NACC2: variants seen among roughly 807,000 people sequenced by gnomAD.
NACC2 encodes nucleus accumbens-associated protein 2.
NACC2 carries 8 observed loss-of-function variants against 25.1 expected under a neutral mutation model. The ratio of observed to expected loss-of-function variants is 0.32; its 90% CI spans 0.19 to 0.57. The LOEUF is 0.57. NACC2 is among the 20% of genes least tolerant of loss of function. NACC2 has a pLI of 0.89. For missense variants in NACC2, 644 were observed against 650.2 expected (o/e 0.99, Z 0.10); for synonymous variants, 435 against 294.7 (o/e 1.48, Z -4.88).
At chr9:136,073,925 G>T (rs1460418078) in intron 1 of NACC2, among the ~76,000 whole-genome samples, 1 of 152,158 alleles carries the variant, frequency 6.6e-6, no homozygotes, top group Non-Finnish European at 1.5e-5. Context: ...CCTTCCCTCT[G>T]CCCTGAAAGC....
rs934506868 is a variant in NACC2 at position 136,034,754 on chromosome 9, G to A, written c.886+14882C>T. ...GGGGATATAGGGGAAGCTCTTTCCTGTAAGACTGCTAACTAGTAAATATGG... is the reference window on the plus strand; with the variant it reads ...GGGGATATAGGGGAAGCTCTTTCCTATAAGACTGCTAACTAGTAAATATGG... On this transcript the variant is annotated intron_variant, in intron 2 of 5. Coordinates refer to ENST00000277554, the MANE Select transcript of NACC2 (RefSeq NM_144653.5). 1.9e-3 allele frequency among the ~76,000 whole-genome samples: 283 copies of A among 152,272 alleles called. 9 individuals carry two copies. The South Asian group carries it at 0.053, about 28-fold the overall frequency.
intron 1 of NACC2, among the ~76,000 whole-genome samples, chr9:136,068,843 G>C (rs991846691): frequency 6.6e-6 from 1 of 151,162 alleles, no homozygotes; most frequent in African/African-American, 2.4e-5. Flanking sequence ...AGGAGACAAG[G>C]CCTCAGTACA....
Position 136,092,248 on chromosome 9 carries a change from C to A in NACC2, c.-60+2941G>T, listed in dbSNP as rs531490064. On this transcript the variant is annotated intron_variant, in intron 1 of 5. Transcript: ENST00000277554. The stretch of plus-strand genomic sequence containing the variant: ...GGGAGAGGGCACTTCGGGGAAGGCC[C>A]AGGACCCAGGGAGCTGGGTCTGCAG... Among the ~76,000 whole-genome samples the A allele has an allele frequency of 2.5e-3, 380 of 152,230 alleles. 3 individuals are homozygous for A. Among genetic ancestry groups the A allele is most frequent in the Non-Finnish European group, 4.2e-3 (289 of 68,022 alleles).
intron 2 of NACC2, among the ~76,000 whole-genome samples, chr9:136,023,709 G>C (rs1390747974): frequency 1.3e-5 from 2 of 152,144 alleles, no homozygotes; most frequent in Non-Finnish European, 2.9e-5. Context: ...GGACATCCTC[G>C]AGGCAGCAGG....
chr9:136,087,402 C>T lies in NACC2; in HGVS notation c.-60+7787G>A, dbSNP rs111471024. On this transcript the variant is annotated intron_variant, in intron 1 of 5. Coordinates refer to ENST00000277554, the MANE Select transcript of NACC2 (RefSeq NM_144653.5). ...TTCCCTCCTCCTGGCCTGTCACCTG[C>T]ACAGCTGCAAATAGACACCCTGCCC... Among the ~76,000 whole-genome samples the T allele has an allele frequency of 8.1e-3, 1,236 of 152,306 alleles. 14 individuals carry two copies. The highest frequency in any genetic ancestry group is 0.014 in the Non-Finnish European group (923 of 68,024).
intron 2 of NACC2, among the ~76,000 whole-genome samples, chr9:136,047,063 G>A (rs1056974291): frequency 6.6e-6 from 1 of 152,160 alleles, no homozygotes; most frequent in East Asian, 1.9e-4. Flanking sequence ...TGAGGCCAGG[G>A]AGGAGGAGGA....
chr9:136,090,695 T>A (rs1044594337), intron 1 of NACC2, among the ~76,000 whole-genome samples: 1 of 152,202 alleles, frequency 6.6e-6, no homozygotes, highest in Non-Finnish European at 1.5e-5. Context: ...GGGGGACTTT[T>A]ATTTTCAATC....
At chr9:136,072,384 G>A (rs1830202252) in intron 1 of NACC2, among the ~76,000 whole-genome samples, 1 of 152,078 alleles carries the variant, frequency 6.6e-6, no homozygotes, top group African/African-American at 2.4e-5. Flanking sequence ...TGTCGCTAAT[G>A]AAAATACAAA....
chr9:136,069,512 G>A (rs1841125540), intron 1 of NACC2, among the ~76,000 whole-genome samples: 1 of 151,524 alleles, frequency 6.6e-6, no homozygotes, highest in African/African-American at 2.4e-5. Context: ...CTATGCCACT[G>A]CATTCCAGCC....
At chr9:136,063,914 CACTT>C (rs1406175224) in intron 1 of NACC2, among the ~76,000 whole-genome samples, 1 of 150,766 alleles carries the variant, frequency 6.6e-6, no homozygotes, top group Non-Finnish European at 1.5e-5. Context: ...AAACAAAAAT[CACTT>C]AAACAGCTGT....
intron 2 of NACC2, among the ~76,000 whole-genome samples, chr9:136,026,589 A>C (rs1174199885): frequency 1.3e-5 from 2 of 152,142 alleles, no homozygotes; most frequent in African/African-American, 4.8e-5. Flanking sequence ...GTAACGCAGG[A>C]GACAGTGAAA....
At chr9:136,023,341 C>A (rs999828707) in intron 2 of NACC2, among the ~76,000 whole-genome samples, 2 of 151,964 alleles carry the variant, frequency 1.3e-5, no homozygotes, top group Non-Finnish European at 2.9e-5. Context: ...CCCGCCAGGG[C>A]ACCTGGGCCT....
In NACC2 at chr9:136,086,074, C is replaced by T. The variant is rs1361683158; in HGVS notation, c.-60+9115G>A. ...CGGGCGCCACGCAGGGCAGCTCCGA[C>T]GGGCAGGAGCCGCCTCCAGGCCCTT... On this transcript the variant is annotated intron_variant, in intron 1 of 5. Transcript: ENST00000277554. The surrounding 1 kb of genome is among the most constrained non-coding windows in gnomAD (Gnocchi z 5.6). Among the ~76,000 whole-genome samples the T allele has an allele frequency of 1.3e-5, 2 of 152,198 alleles. No individual in the cohort carries two copies. Among genetic ancestry groups the T allele is most frequent in the South Asian group, 2.1e-4 (1 of 4,834 alleles).
At chr9:136,063,357 T>C (rs1345293682) in intron 1 of NACC2, among the ~76,000 whole-genome samples, 2 of 152,202 alleles carry the variant, frequency 1.3e-5, no homozygotes, top group East Asian at 3.9e-4. Context: ...TCGAGTCCTG[T>C]GCCTATTGGT....
rs1840307238 is a variant in NACC2 at position 136,022,532 on chromosome 9, G to A, written c.887-6103C>T. The stretch of plus-strand genomic sequence containing the variant: ...CTCGGGGAGACCTGCCTTCCCTGCT[G>A]TTGCCCCTTCCACCCAGCTTTGGGG... On this transcript the variant is annotated intron_variant, in intron 2 of 5. Transcript: ENST00000277554. This position sits in a 1 kb window ranked among gnomAD's most constrained non-coding sequence, Gnocchi z 4.4. Among the ~76,000 whole-genome samples the A allele has an allele frequency of 6.6e-6, 1 of 152,214 alleles. No homozygotes were observed. The highest frequency in any genetic ancestry group is 6.5e-5 in the Admixed American group (1 of 15,284).
intron 1 of NACC2, among the ~76,000 whole-genome samples, chr9:136,074,621 A>T (rs1830237230): frequency 1.3e-5 from 2 of 151,686 alleles, no homozygotes; most frequent in Admixed American, 1.3e-4. Flanking sequence ...TGTCACAGCA[A>T]GGCTGCCTGC....
At chr9:136,075,609 C>G (rs1024302819) in intron 1 of NACC2, among the ~76,000 whole-genome samples, 3 of 152,232 alleles carry the variant, frequency 2.0e-5, no homozygotes, top group African/African-American at 7.2e-5. Context: ...GGTTCGGGGT[C>G]GCAGGTCCTG....
rs1165327538 is a variant in NACC2, at chr9:136,042,003, C to CTT, written c.886+7631_886+7632dup. ...CTACGATAATCCTTCAAAACAATTT[C>CTT]TTTTTTTTTGAGACAGAGTCTCACT... On this transcript the variant is annotated intron_variant, in intron 2 of 5. Transcript: ENST00000277554. Among the ~76,000 whole-genome samples, 1,154 of 151,472 alleles carry CTT rather than the reference C, an allele frequency of 7.6e-3. 13 individuals are homozygous for CTT. Among genetic ancestry groups the CTT allele is most frequent in the African/African-American group, 0.027 (1,101 of 41,330 alleles).
rs1231349559 is a variant in NACC2 at position 136,008,829 on chromosome 9, C to T, written c.*2687G>A. ...ACGCCCACCGTGGGACACATTAGTG[C>T]AAAATGCTCGGCCTGGCCCGCCCGG... On this transcript the variant is annotated 3_prime_UTR_variant, in exon 6 of 6. Coordinates refer to ENST00000277554, the MANE Select transcript of NACC2 (RefSeq NM_144653.5). 1.3e-5 allele frequency: 2 copies of T among 152,334 alleles called. No homozygotes were observed. Among genetic ancestry groups the T allele is most frequent in the African/African-American group, 4.8e-5 (2 of 41,470 alleles). The allele number at this position is 152,334 out of a possible 1,614,324, so 9.4% of individuals were successfully genotyped here.
Sources: gnomAD v4.1 joint callset for allele counts (sites outside exome capture counted in the v4.1 genomes callset) on GRCh38, gnomAD v4.1.1 for gene constraint, Gnocchi (gnomAD v3.1) non-coding constraint, MANE v1.5 for transcripts, NCBI Gene and HGNC (gene_info 2026-07-23, HGNC 2026-07-21) for gene names.